ABCC12: variants seen among roughly 807,000 people sequenced by gnomAD.
The protein encoded by ABCC12 is ATP-binding cassette sub-family C member 12.
Under a neutral mutation model 151.1 loss-of-function variants are expected in ABCC12, and 142 were observed. That is an observed-to-expected ratio of 0.94 (90% confidence interval 0.82 to 1.08). ABCC12 has a LOEUF of 1.08. ABCC12 is among the 50% of genes least tolerant of loss of function. The pLI is 0.00. For missense variants in ABCC12, 1,638 were observed against 1,691.1 expected (o/e 0.97, Z 0.55); for synonymous variants, 645 against 646.4 (o/e 1.00, Z 0.03).
chr16:48,110,652 C>A (rs963475918), intron 18 of ABCC12, among the ~76,000 whole-genome samples: 1 of 152,080 alleles, frequency 6.6e-6, no homozygotes, highest in East Asian at 1.9e-4. Flanking sequence ...CTCCTCCTAC[C>A]CTCAACCTCA....
At chr16:48,132,878 T>C (rs1964476039) in intron 9 of ABCC12, among the ~76,000 whole-genome samples, 1 of 152,180 alleles carries the variant, frequency 6.6e-6, no homozygotes, top group Non-Finnish European at 1.5e-5. Flanking sequence ...CATTTGCAGA[T>C]TACAAAACCG....
At position 48,091,199 on chromosome 16, in the gene ABCC12, A is replaced by G; in HGVS notation, c.3206T>C (p.Leu1069Pro). Reference protein sequence around the residue: ...SLSYIIQLSGLLQVCVRTGTE... With the variant: ...SLSYIIQLSGPLQVCVRTGTE... Reference sequence around the variant, plus strand: ...TCCCGTTCGCACACACACTTGGAGCAGTCCGCTCAGCTGTTGAAAAGGAGC... The same window carrying G: ...TCCCGTTCGCACACACACTTGGAGCGGTCCGCTCAGCTGTTGAAAAGGAGC... Residue 1069 changes from leucine (L) to proline (P), a missense_variant, in exon 25 of 31, where the codon CTG becomes CCG. Coordinates refer to ENST00000311303, the MANE Select transcript of ABCC12 (RefSeq NM_001393797.1). The G allele has an allele frequency of 6.2e-7, 1 of 1,614,092 alleles. No individual in the cohort carries two copies. Among genetic ancestry groups the G allele is most frequent in the Non-Finnish European group, 8.5e-7 (1 of 1,179,946 alleles).
At chr16:48,085,515 G>A (rs994539788) in intron 29 of ABCC12, 78 bp downstream of exon 29, 16 of 1,222,912 alleles carry the variant, frequency 1.3e-5, no homozygotes, top group African/African-American at 3.0e-5. Context: ...AGACATACAC[G>A]TGGCTCTGCC....
intron 9 of ABCC12, among the ~76,000 whole-genome samples, chr16:48,132,343 G>A (rs1964455599): frequency 6.6e-6 from 1 of 152,056 alleles, no homozygotes; most frequent in Admixed American, 6.5e-5. Context: ...GAAAATAAAA[G>A]CAACTCACCA....
chr16:48,099,968 T>C (rs1963246292), intron 23 of ABCC12, among the ~76,000 whole-genome samples: 1 of 151,762 alleles, frequency 6.6e-6, no homozygotes, highest in Non-Finnish European at 1.5e-5. Flanking sequence ...TTTTCTTTTT[T>C]TTTTTTTTTG....
At chr16:48,118,081 C>T (rs550346010) in intron 13 of ABCC12, among the ~76,000 whole-genome samples, 31 of 152,258 alleles carry the variant, frequency 2.0e-4, no homozygotes, top group African/African-American at 6.3e-4. Flanking sequence ...GCCAGCTCTG[C>T]GGCAGCCAAG....
At chr16:48,150,405 C>G (rs116331998) in intron 2 of ABCC12, among the ~76,000 whole-genome samples, 3,036 of 152,138 alleles carry the variant, frequency 0.02, 104 homozygotes, top group African/African-American at 0.071. Flanking sequence ...TATTACTATT[C>G]AACAGTAAAA....
At chr16:48,105,456 T>TGAGTCA in intron 20 of ABCC12, 120 bp from the exon 21 acceptor site, 4 of 988,624 alleles carry the variant, frequency 4.0e-6, no homozygotes, top group Non-Finnish European at 6.0e-6. Context: ...GTGTTTTGAA[T>TGAGTCA]GAGTCAGGTG....
In ABCC12 at chr16:48,082,990, T is replaced by G. The variant is rs1297376840; in HGVS notation, c.*725A>C. 6.6e-6 allele frequency: 1 copy of G among 152,176 alleles called. No homozygotes were observed. Among genetic ancestry groups the G allele is most frequent in the African/African-American group, 2.4e-5 (1 of 41,438 alleles). 9.4% of individuals were successfully genotyped at this position (152,176 alleles called of 1,614,324 possible). ...AAGGGAGAAGGCAACAAGGGTCTATTGGAGGAAATAGTATGGAAATTGGAA... is the reference window on the plus strand; with the variant it reads ...AAGGGAGAAGGCAACAAGGGTCTATGGGAGGAAATAGTATGGAAATTGGAA... On this transcript the variant is annotated 3_prime_UTR_variant, in exon 31 of 31. Transcript: ENST00000311303.
chr16:48,112,994 G>A (rs1244822596), intron 15 of ABCC12, among the ~76,000 whole-genome samples: 1 of 152,098 alleles, frequency 6.6e-6, no homozygotes, highest in Admixed American at 6.6e-5. Context: ...GAGACACAGA[G>A]CTCTCCCCCC....
At position 48,082,173 on chromosome 16, in the gene ABCC12, C is replaced by T. The variant is rs775463547; in HGVS notation, c.*1542G>A. On this transcript the variant is annotated 3_prime_UTR_variant, in exon 31 of 31. Transcript: ENST00000311303. ...CCCACAGAAGGAACCCCCTGGCTCA[C>T]GTCCTTCTCAGCCACATGTCTTAGT... 1.4e-4 allele frequency among the ~76,000 whole-genome samples: 21 copies of T among 152,308 alleles called. No individual in the cohort carries two copies. The highest frequency in any genetic ancestry group is 2.1e-4 in the Non-Finnish European group (14 of 68,000).
chr16:48,140,909 A>G lies in ABCC12; in HGVS notation c.435T>C (p.Ile145=), dbSNP rs776805753. ...TCTCAGTCTGCTGGAGGATTTGGTG[A>G]ATGAGAACTGTCTGTAAAACAGCAT... ...IMAAIGPTVL[I]HQILQQTERT... is the part of the protein sequence containing the mutation. The change falls in exon 6 of 31, where the codon ATT becomes ATC. Residue 145 remains isoleucine, a synonymous_variant. Coordinates refer to ENST00000311303, the MANE Select transcript of ABCC12 (RefSeq NM_001393797.1). 5.6e-5 allele frequency: 91 copies of G among 1,613,808 alleles called. No homozygotes were observed. The highest frequency in any genetic ancestry group is 7.5e-5 in the Non-Finnish European group (89 of 1,179,948).
chr16:48,107,531 A>G, intron 19 of ABCC12, 106 bp from the exon 20 acceptor site: 1 of 966,766 alleles, frequency 1.0e-6, no homozygotes, highest in Non-Finnish European at 1.6e-6. Flanking sequence ...ACCTGCAGGA[A>G]AAGGACTCCC....
At chr16:48,148,461 T>C (rs562400442) in intron 2 of ABCC12, among the ~76,000 whole-genome samples, 5 of 151,936 alleles carry the variant, frequency 3.3e-5, no homozygotes, top group Admixed American at 6.6e-5. Flanking sequence ...GGTCTCAAAC[T>C]CCTGGGCTCA....
intron 4 of ABCC12, among the ~76,000 whole-genome samples, chr16:48,142,911 G>A (rs1279764524): frequency 6.6e-6 from 1 of 152,186 alleles, no homozygotes; most frequent in African/African-American, 2.4e-5. Flanking sequence ...ATCAGAGTAG[G>A]AAAATTCTGG....
intron 24 of ABCC12, among the ~76,000 whole-genome samples, chr16:48,094,935 A>G (rs1208598718): frequency 6.6e-6 from 1 of 152,242 alleles, no homozygotes; most frequent in East Asian, 1.9e-4. Context: ...CTAATGGGTC[A>G]GGAGACAGAT....
At chr16:48,109,873 G>A (rs1963626248) in intron 18 of ABCC12, among the ~76,000 whole-genome samples, 1 of 152,192 alleles carries the variant, frequency 6.6e-6, no homozygotes, top group South Asian at 2.1e-4. Flanking sequence ...CCAGGCAGGT[G>A]GGCAGTGTTG....
intron 8 of ABCC12, among the ~76,000 whole-genome samples, chr16:48,137,548 G>C (rs1964652073): frequency 6.6e-6 from 1 of 152,132 alleles, no homozygotes; most frequent in African/African-American, 2.4e-5. Flanking sequence ...GTTCTCTACA[G>C]CCACTCCCTA....
intron 29 of ABCC12, 66 bp from the exon 30 acceptor site, chr16:48,084,139 T>A (rs1962480996): frequency 6.9e-7 from 1 of 1,458,198 alleles, no homozygotes; most frequent in African/African-American, 1.5e-5. Flanking sequence ...CTCGGCTCTA[T>A]TTACTTTAAA....
Sources: gnomAD v4.1 joint callset for allele counts (sites outside exome capture counted in the v4.1 genomes callset) on GRCh38, gnomAD v4.1.1 for gene constraint, MANE v1.5 for transcripts, NCBI Gene and HGNC (gene_info 2026-07-23, HGNC 2026-07-21) for gene names.